Variants in YWHAG observed in about 807,000 individuals in gnomAD.
YWHAG encodes tyrosine 3-monooxygenase/tryptophan 5-monooxygenase activation protein gamma, also known as 14-3-3 protein gamma.
In YWHAG, 1 loss-of-function variant was observed where a neutral mutation model predicts 23.3. The observed-to-expected ratio is 0.04, with a 90% CI of 0.02 to 0.20. The LOEUF (loss-of-function observed/expected upper bound fraction) is 0.20, where lower values mean the gene tolerates loss of function less well. Ranked by LOEUF, YWHAG falls within the 10% of genes least tolerant of loss-of-function variation. The pLI, the probability that YWHAG is intolerant of heterozygous loss-of-function variation, is 1.00. For synonymous variants in YWHAG, 160 were observed against 144.0 expected (o/e 1.11, Z -0.80); for missense variants, 151 against 338.6 (o/e 0.45, Z 4.35).
chr7:76,341,070 G>A (rs938422969), intron 1 of YWHAG, among the ~76,000 whole-genome samples: 3 of 152,040 alleles, frequency 2.0e-5, no homozygotes, highest in Non-Finnish European at 4.4e-5. Flanking sequence ...TAAAGTGCAG[G>A]GGAAGCCACC....
intron 1 of YWHAG, among the ~76,000 whole-genome samples, chr7:76,349,621 T>G (rs1180471150): frequency 6.6e-6 from 1 of 152,182 alleles, no homozygotes; most frequent in Non-Finnish European, 1.5e-5. Context: ...CTATGTAAGT[T>G]GTAAAAATTT....
rs1439934920 is a variant in YWHAG, at chr7:76,326,836, T to G, written c.*2741A>C. 2.0e-5 allele frequency: 3 copies of G among 152,650 alleles called. No individual in the cohort carries two copies. Among genetic ancestry groups the G allele is most frequent in the African/African-American group, 7.2e-5 (3 of 41,468 alleles). 9.5% of individuals were successfully genotyped at this position (152,650 alleles called of 1,614,324 possible). ...GTTTATTTGCTCAATGTACGACAGC[T>G]ACATAATGACTCACATTCATGATAT... On this transcript the variant is annotated 3_prime_UTR_variant, in exon 2 of 2. Coordinates refer to ENST00000307630, the MANE Select transcript of YWHAG (RefSeq NM_012479.4).
At chr7:76,332,967 GATTT>G (rs1180527731) in intron 1 of YWHAG, among the ~76,000 whole-genome samples, 2 of 151,980 alleles carry the variant, frequency 1.3e-5, no homozygotes, top group Admixed American at 1.3e-4. Context: ...GTCTATGGCT[GATTT>G]ATTTATTTCT....
intron 1 of YWHAG, among the ~76,000 whole-genome samples, chr7:76,343,051 C>T (rs1038279402): frequency 6.6e-6 from 1 of 152,102 alleles, no homozygotes; most frequent in African/African-American, 2.4e-5. Context: ...GTAGGAGAAT[C>T]GCTTGAAACC....
chr7:76,358,610 C>A (rs1454166654), intron 1 of YWHAG, 112 bp downstream of exon 1: 6 of 1,080,550 alleles, frequency 5.6e-6, no homozygotes, highest in Non-Finnish European at 6.5e-6. Context: ...GTGAGCGAGA[C>A]GGGGCGGTCA....
chr7:76,331,876 G>C (rs1188694043), intron 1 of YWHAG, among the ~76,000 whole-genome samples: 2 of 151,948 alleles, frequency 1.3e-5, no homozygotes, highest in African/African-American at 2.4e-5. Context: ...TATAAACGGG[G>C]GGTATGCTTG....
chr7:76,329,846 C>T lies in YWHAG; in HGVS notation c.475G>A (p.Glu159Lys), dbSNP rs746119956. 4 of 1,613,846 alleles carry T rather than the reference C, an allele frequency of 2.5e-6. No individual in the cohort carries two copies. Among genetic ancestry groups the T allele is most frequent in the East Asian group, 2.2e-5 (1 of 44,886 alleles). The change falls in exon 2 of 2, where the codon GAG (glutamate) becomes AAG (lysine). Residue 159 changes from glutamate to lysine, a missense_variant. Transcript: ENST00000307630. This position sits in a 1 kb window ranked among gnomAD's most constrained non-coding sequence, Gnocchi z 6.1. ...GGCTGCATGTGCTCTTTGCTGATCT[C>T]GTGGGCTTCGCTGTAGGCCTTCTCG... ...SSEKAYSEAH[E>K]ISKEHMQPTH...
chr7:76,350,801 G>A (rs1251057597), intron 1 of YWHAG, among the ~76,000 whole-genome samples: 5 of 152,116 alleles, frequency 3.3e-5, no homozygotes, highest in East Asian at 1.9e-4. Context: ...CTGAGATCGC[G>A]CCACTGCACT....
chr7:76,327,668 GCCCCCCCCCCCCTCCC>G lies in YWHAG; in HGVS notation c.*1893_*1908del, dbSNP rs1369660300. ...AATTAGGGAAAGCCCCACCTACCCT[GCCCCCCCCCCCCTCCC>G]CCCCCAAATCGTCTTCCTCCCATGG... On this transcript the variant is annotated 3_prime_UTR_variant, in exon 2 of 2. Transcript: ENST00000307630. The G allele has an allele frequency of 2.1e-5, 1 of 47,086 alleles. No homozygotes were observed. Among genetic ancestry groups the G allele is most frequent in the Non-Finnish European group, 3.7e-5 (1 of 27,254 alleles). 2.9% of individuals were successfully genotyped at this position (47,086 alleles called of 1,614,324 possible).
chr7:76,356,761 C>T lies in YWHAG; in HGVS notation c.87+1961G>A, dbSNP rs112615794. Among the ~76,000 whole-genome samples the T allele has an allele frequency of 5.1e-3, 775 of 152,198 alleles. 7 individuals are homozygous for T. The highest frequency in any genetic ancestry group is 0.018 in the African/African-American group (728 of 41,524). On this transcript the variant is annotated intron_variant, in intron 1 of 1. Transcript: ENST00000307630. ...TTATAAACTTTTGTGAGAAAGCTAGCAATAGGGTGAACAAGGCCTAGCTAG... is the reference window on the plus strand; with the variant it reads ...TTATAAACTTTTGTGAGAAAGCTAGTAATAGGGTGAACAAGGCCTAGCTAG...
rs1803457170 is a variant in YWHAG, at chr7:76,327,230, A to T, written c.*2347T>A. On this transcript the variant is annotated 3_prime_UTR_variant, in exon 2 of 2. Coordinates refer to ENST00000307630, the MANE Select transcript of YWHAG (RefSeq NM_012479.4). ...CAAAAGGAAAAATTAAATTAAAAAA[A>T]AAAAACCTTTAAAAAATTTGAAGAC... is the stretch of plus-strand genomic sequence containing the variant. 1 of 152,202 alleles carries T rather than the reference A, an allele frequency of 6.6e-6. No homozygotes were observed. Among genetic ancestry groups the T allele is most frequent in the South Asian group, 2.1e-4 (1 of 4,832 alleles). 9.4% of individuals were successfully genotyped at this position (152,202 alleles called of 1,614,324 possible). A position where few individuals can be genotyped will look rare whatever the true frequency, so the allele number is the denominator to read the frequency against.
intron 1 of YWHAG, among the ~76,000 whole-genome samples, chr7:76,353,770 A>G (rs1474975235): frequency 1.3e-5 from 2 of 152,166 alleles, no homozygotes; most frequent in African/African-American, 4.8e-5. Context: ...ATTTAGCTGC[A>G]TTATAATTAT....
rs1041167254 is a variant in YWHAG at position 76,329,381 on chromosome 7, C to T, written c.*196G>A. On this transcript the variant is annotated 3_prime_UTR_variant, in exon 2 of 2. Coordinates refer to ENST00000307630, the MANE Select transcript of YWHAG (RefSeq NM_012479.4). This position sits in a 1 kb window ranked among gnomAD's most constrained non-coding sequence, Gnocchi z 6.1. The stretch of plus-strand genomic sequence containing the variant: ...TGTGAGGCTGCTATTCCAATACCAG[C>T]ACAGCTAGCCTGACTTTCCACTAGT... The T allele has an allele frequency of 1.5e-6, 1 of 654,006 alleles. No homozygotes were observed. Among genetic ancestry groups the T allele is most frequent in the Non-Finnish European group, 2.6e-6 (1 of 391,068 alleles). 40.5% of individuals were successfully genotyped at this position (654,006 alleles called of 1,614,324 possible).
chr7:76,356,485 C>G (rs1803961095), intron 1 of YWHAG, among the ~76,000 whole-genome samples: 1 of 152,152 alleles, frequency 6.6e-6, no homozygotes, highest in African/African-American at 2.4e-5. Context: ...GGTTTTCATT[C>G]CCTACTAGTA....
rs934916864 is a variant in YWHAG, at chr7:76,342,402, G to A, written c.88-12169C>T. 2.0e-5 allele frequency among the ~76,000 whole-genome samples: 3 copies of A among 152,190 alleles called. No homozygotes were observed. The East Asian group carries it at 5.8e-4, about 29-fold the overall frequency. On this transcript the variant is annotated intron_variant, in intron 1 of 1. Transcript: ENST00000307630. ...CTTCTTACAAACCCTGCTGGGTGAAGGACGGTCTCTGACCCTATGTTGCAC... is the reference window on the plus strand; with the variant it reads ...CTTCTTACAAACCCTGCTGGGTGAAAGACGGTCTCTGACCCTATGTTGCAC...
chr7:76,349,360 A>G (rs986636705), intron 1 of YWHAG, among the ~76,000 whole-genome samples: 2 of 151,506 alleles, frequency 1.3e-5, no homozygotes, highest in African/African-American at 2.4e-5. Flanking sequence ...AAAAATACCA[A>G]AAAGTACCGT....
At position 76,329,329 on chromosome 7, in the gene YWHAG, GA is replaced by G; in HGVS notation, c.*247del. ...TAGAGACAGACAGCTCCACTTGCAT[GA>G]ATCTACAGAACAGTCCAGACGCCAG... On this transcript the variant is annotated 3_prime_UTR_variant, in exon 2 of 2. Coordinates refer to ENST00000307630, the MANE Select transcript of YWHAG (RefSeq NM_012479.4). This position sits in a 1 kb window ranked among gnomAD's most constrained non-coding sequence, Gnocchi z 6.1. 2.1e-6 allele frequency: 1 copy of G among 466,216 alleles called. No individual in the cohort carries two copies. The highest frequency in any genetic ancestry group is 3.8e-6 in the Non-Finnish European group (1 of 264,788). The allele number at this position is 466,216 out of a possible 1,614,324, so 28.9% of individuals were successfully genotyped here.
chr7:76,329,908 G>A lies in YWHAG; in HGVS notation c.413C>T (p.Ala138Val), dbSNP rs754370006. The A allele has an allele frequency of 1.9e-6, 3 of 1,614,052 alleles. No individual in the cohort carries two copies. ...CACCGTCGCCCTTTTCTCTCCGGTG[G>A]CCACTTCAGCCAGGTAGCGGTAGTA... ...GDYYRYLAEV[A>V]TGEKRATVVE... is the part of the protein sequence containing the mutation. Residue 138 changes from alanine (A) to valine (V), a missense_variant, in exon 2 of 2, where the codon GCC becomes GTC. Transcript: ENST00000307630. This position sits in a 1 kb window ranked among gnomAD's most constrained non-coding sequence, Gnocchi z 6.1.
Position 76,330,220 on chromosome 7 carries a change from T to C in YWHAG, c.101A>G (p.Asn34Ser). 4 of 1,612,104 alleles carry C rather than the reference T, an allele frequency of 2.5e-6. No individual in the cohort carries two copies. Among genetic ancestry groups the C allele is most frequent in the Non-Finnish European group, 3.4e-6 (4 of 1,179,826 alleles). ...TCGTTCCTCATTCGACAGTGGCTCA[T>C]TCAGCTCTGTCACCTGCCAGGAGGA... ...AAAMKNVTEL[N>S]EPLSNEERNL... The change falls in exon 2 of 2, where the codon AAT becomes AGT. Residue 34 changes from asparagine (N) to serine (S), a missense_variant. Asn to Ser is a conservative substitution (Grantham distance 46, BLOSUM62 1). Coordinates refer to ENST00000307630, the MANE Select transcript of YWHAG (RefSeq NM_012479.4).
Sources: allele counts gnomAD v4.1 joint callset (sites outside exome capture counted in the v4.1 genomes callset), GRCh38; gene constraint gnomAD v4.1.1; non-coding constraint Gnocchi (gnomAD v3.1); transcripts MANE v1.5; gene names NCBI Gene and HGNC (gene_info 2026-07-23, HGNC 2026-07-21).